NHSL1: variants seen among roughly 807,000 people sequenced by gnomAD.
NHSL1 encodes the protein NHS like 1.
NHSL1 carries 48 observed loss-of-function variants against 95.0 expected under a neutral mutation model. The observed-to-expected ratio is 0.51, with a 90% confidence interval of 0.40 to 0.64. The LOEUF is 0.64. Among genes scored for constraint, NHSL1 ranks in the 30% least tolerant of loss-of-function variants. The probability of loss-of-function intolerance (pLI) is 0.00; values close to 1 mark genes in which losing one functional copy is unlikely to be tolerated. For missense variants in NHSL1, 1,971 were observed against 2,077.7 expected, an observed-to-expected ratio of 0.95 and a Z score of 1.00; for synonymous variants, 783 against 833.9, an observed-to-expected ratio of 0.94 and a Z score of 1.05.
At chr6:138,662,410 T>C (rs1338559979) in intron 1 of NHSL1, among the ~76,000 whole-genome samples, 1 of 152,248 alleles carries the variant, frequency 6.6e-6, no homozygotes, top group African/African-American at 2.4e-5. Context: ...AGGATCCTCG[T>C]CCTTGGAAAG....
Position 138,613,566 on chromosome 6 carries a change from C to T in NHSL1, c.96+78910G>A, listed in dbSNP as rs1445476438. Reference sequence around the variant, plus strand: ...AGGAAAAAGTGCAGCAAGTGGAGAGCTGGAACTGAACAAATCCCCCATGGC... The same window carrying T: ...AGGAAAAAGTGCAGCAAGTGGAGAGTTGGAACTGAACAAATCCCCCATGGC... On this transcript the variant is annotated intron_variant, in intron 1 of 3. Transcript: ENST00000491526. Among the ~76,000 whole-genome samples the T allele has an allele frequency of 2.6e-5, 4 of 152,274 alleles. No homozygotes were observed. In the South Asian group the frequency reaches 6.2e-4, roughly 24 times the overall value.
At chr6:138,428,103 A>G (rs1178351850) in intron 7 of NHSL1, among the ~76,000 whole-genome samples, 1 of 152,238 alleles carries the variant, frequency 6.6e-6, no homozygotes, top group Non-Finnish European at 1.5e-5. Flanking sequence ...GGGAAAAAAT[A>G]TGCAGTAATT....
At chr6:138,688,568 G>A (rs566049926) in intron 1 of NHSL1, among the ~76,000 whole-genome samples, 65 of 152,136 alleles carry the variant, frequency 4.3e-4, no homozygotes, top group South Asian at 2.3e-3. Flanking sequence ...GCTTGAACCC[G>A]GGAGGCAGAG....
chr6:138,445,998 G>C (rs1038158640), intron 4 of NHSL1, among the ~76,000 whole-genome samples: 27 of 151,118 alleles, frequency 1.8e-4, no homozygotes, highest in Admixed American at 1.8e-3. Context: ...CATGCTCCTT[G>C]TGGGCTATGG....
In NHSL1 at chr6:138,423,672, G is replaced by A. The variant is rs1215761292; in HGVS notation, c.*409C>T. The A allele has an allele frequency of 6.3e-6, 1 of 158,870 alleles. No homozygotes were observed. Among genetic ancestry groups the A allele is most frequent in the African/African-American group, 2.4e-5 (1 of 41,660 alleles). The allele number at this position is 158,870 out of a possible 1,614,324, so 9.8% of individuals were successfully genotyped here. A position where few individuals can be genotyped will look rare whatever the true frequency, so the allele number is the denominator to read the frequency against. On this transcript the variant is annotated 3_prime_UTR_variant, in exon 8 of 8. Transcript: ENST00000343505. ...ACGTAATTCTCTGAAAGCAATTACCGCCTAGACCAGAGGACTCCGTTACTC... is the reference window on the plus strand; with the variant it reads ...ACGTAATTCTCTGAAAGCAATTACCACCTAGACCAGAGGACTCCGTTACTC...
At chr6:138,688,956 T>G (rs1001877485) in intron 1 of NHSL1, among the ~76,000 whole-genome samples, 4 of 152,184 alleles carry the variant, frequency 2.6e-5, no homozygotes, top group Non-Finnish European at 4.4e-5. Flanking sequence ...TAGTATTGTA[T>G]TTTTGTACTT....
chr6:138,655,242 T>C (rs1385407687), intron 1 of NHSL1, among the ~76,000 whole-genome samples: 4 of 152,244 alleles, frequency 2.6e-5, no homozygotes, highest in African/African-American at 9.6e-5. Flanking sequence ...ATTAAAAATA[T>C]GGAAATTAAA....
At position 138,663,091 on chromosome 6, in the gene NHSL1, T is replaced by C. The variant is rs143720128; in HGVS notation, c.96+29385A>G. Among the ~76,000 whole-genome samples, 3 of 140,116 alleles carry C rather than the reference T, an allele frequency of 2.1e-5. No homozygotes were observed. In the East Asian group the frequency reaches 6.5e-4, roughly 30 times the overall value. 91.9% of individuals were successfully genotyped at this position (140,116 alleles called of 152,430 possible). On this transcript the variant is annotated intron_variant, in intron 1 of 3. Transcript: ENST00000491526. ...AAAAAAAAGAAAAAGAAATATTAAA[T>C]GTCTAACAATCAGATATTTGTCAAA...
intron 3 of NHSL1, among the ~76,000 whole-genome samples, chr6:138,459,909 G>C (rs1003660090): frequency 6.6e-6 from 1 of 152,044 alleles, no homozygotes; most frequent in East Asian, 1.9e-4. Context: ...ATAAACCCAG[G>C]TTGATTTTGG....
intron 1 of NHSL1, among the ~76,000 whole-genome samples, chr6:138,652,765 G>C (rs1785109258): frequency 6.6e-6 from 1 of 152,052 alleles, no homozygotes; most frequent in East Asian, 1.9e-4. Flanking sequence ...TAACAGAAAG[G>C]CTATTGTTTA....
In NHSL1 at chr6:138,541,092, G is replaced by A. The variant is rs183114237; in HGVS notation, c.16+4531C>T. 5.7e-3 allele frequency among the ~76,000 whole-genome samples: 874 copies of A among 152,330 alleles called. 5 individuals are homozygous for A. The highest frequency in any genetic ancestry group is 7.9e-3 in the Non-Finnish European group (540 of 68,032). ...CATATTAAAAGCAACATCAGGCCAG[G>A]CGTGGTGGCTCACGCCTGTGATCCC... On this transcript the variant is annotated intron_variant, in intron 1 of 4. Transcript: ENST00000342260.
At chr6:138,567,135 T>G (rs1783650531) in intron 1 of NHSL1, among the ~76,000 whole-genome samples, 1 of 152,112 alleles carries the variant, frequency 6.6e-6, no homozygotes, top group African/African-American at 2.4e-5. Flanking sequence ...TCTTTATGTT[T>G]GTTTGGTTTT....
At chr6:138,658,275 A>G (rs562507414) in intron 1 of NHSL1, among the ~76,000 whole-genome samples, 1 of 152,342 alleles carries the variant, frequency 6.6e-6, no homozygotes, top group African/African-American at 2.4e-5. Flanking sequence ...TTACCAGGCT[A>G]TATGTTAGAT....
rs1342052982 is a variant in NHSL1 at position 138,475,644 on chromosome 6, T to C, written c.212-2211A>G. Among the ~76,000 whole-genome samples, 7 of 152,164 alleles carry C rather than the reference T, an allele frequency of 4.6e-5. No homozygotes were observed. The East Asian group carries it at 1.4e-3, about 29-fold the overall frequency. ...AAGATTAAAAAATAACACTCAAGAA[T>C]GGCTACAATTAAAAAGCAAGGCCGG... On this transcript the variant is annotated intron_variant, in intron 2 of 7. Coordinates refer to ENST00000343505, the MANE Select transcript of NHSL1 (RefSeq NM_001144060.2).
At chr6:138,459,358 A>G (rs1205441789) in intron 3 of NHSL1, among the ~76,000 whole-genome samples, 1 of 152,198 alleles carries the variant, frequency 6.6e-6, no homozygotes, top group African/African-American at 2.4e-5. Context: ...GTACTTTGCA[A>G]TAGCTATTTT....
At chr6:138,457,542 T>A (rs1472083573) in intron 3 of NHSL1, among the ~76,000 whole-genome samples, 1 of 152,204 alleles carries the variant, frequency 6.6e-6, no homozygotes, top group African/African-American at 2.4e-5. Context: ...ACATAATGGA[T>A]TTTTAATATT....
intron 1 of NHSL1, among the ~76,000 whole-genome samples, chr6:138,662,106 G>A (rs1785235433): frequency 6.7e-6 from 1 of 150,066 alleles, no homozygotes; most frequent in African/African-American, 2.5e-5. Context: ...AATAATTTCA[G>A]CTAGAAACAG....
In NHSL1 at chr6:138,442,591, C is replaced by T. The variant is rs73776961; in HGVS notation, c.533-477G>A. Among the ~76,000 whole-genome samples, 1,079 of 152,272 alleles carry T rather than the reference C, an allele frequency of 7.1e-3. 18 individuals are homozygous for T. The highest frequency in any genetic ancestry group is 0.024 in the African/African-American group (1,006 of 41,558). On this transcript the variant is annotated intron_variant, in intron 4 of 7. Coordinates refer to ENST00000343505, the MANE Select transcript of NHSL1 (RefSeq NM_001144060.2). The stretch of plus-strand genomic sequence containing the variant: ...TAATAAAGATTTCTTGAATGAAAAG[C>T]TTTTTCTTCAATCAAGGAGGCTGAC...
chr6:138,439,400 A>G (rs1178461499), intron 5 of NHSL1, among the ~76,000 whole-genome samples: 1 of 152,200 alleles, frequency 6.6e-6, no homozygotes, highest in African/African-American at 2.4e-5. Flanking sequence ...GATCATCATT[A>G]CCTAGGTATG....
Sources: gnomAD v4.1 joint callset for allele counts (sites outside exome capture counted in the v4.1 genomes callset) on GRCh38, gnomAD v4.1.1 for gene constraint, MANE v1.5 for transcripts, NCBI Gene and HGNC (gene_info 2026-07-23, HGNC 2026-07-21) for gene names.